The following CSMD1 variants were observed in gnomAD, a reference collection of about 807,000 sequenced individuals.
CSMD1 encodes CUB and Sushi multiple domains 1, also known as CUB and sushi domain-containing protein 1.
In CSMD1, 213 loss-of-function variants were observed where a neutral mutation model predicts 417.5. The observed-to-expected ratio is 0.51, with a 90% CI of 0.46 to 0.57. CSMD1 has a LOEUF of 0.57. CSMD1 is among the 20% of genes least tolerant of loss of function. The pLI is 0.00. For synonymous variants in CSMD1, 2,862 were observed against 1,736.8 expected (o/e 1.65, Z -16.11); for missense variants, 6,923 against 4,529.7 (o/e 1.53, Z -15.17).
chr8:4,248,417 G>A (rs746273831), intron 3 of CSMD1, among the ~76,000 whole-genome samples: 24 of 152,126 alleles, frequency 1.6e-4, no homozygotes, highest in Non-Finnish European at 2.9e-4. Context: ...TATAAAAGAA[G>A]AGAGCCCGTC....
At chr8:3,484,579 C>T (rs1214907223) in intron 11 of CSMD1, among the ~76,000 whole-genome samples, 1 of 152,142 alleles carries the variant, frequency 6.6e-6, no homozygotes, top group African/African-American at 2.4e-5. Context: ...TGGGAAAGCC[C>T]ATAAACTAGA....
At chr8:3,485,536 C>G (rs372867109) in intron 11 of CSMD1, among the ~76,000 whole-genome samples, 2 of 96,474 alleles carry the variant, frequency 2.1e-5, no homozygotes, top group Non-Finnish European at 4.4e-5. Context: ...TACACACACA[C>G]ACAGAGAGAG....
intron 18 of CSMD1, among the ~76,000 whole-genome samples, chr8:3,372,492 C>A (rs1264114126): frequency 6.6e-6 from 1 of 152,232 alleles, no homozygotes; most frequent in Non-Finnish European, 1.5e-5. Context: ...GACCCCGAAC[C>A]AGGGCATTGG....
At chr8:4,770,896 C>A (rs370819239) in intron 1 of CSMD1, among the ~76,000 whole-genome samples, 2 of 152,156 alleles carry the variant, frequency 1.3e-5, no homozygotes. Context: ...TTGGCCTTGA[C>A]GATGATTTCC....
intron 1 of CSMD1, among the ~76,000 whole-genome samples, chr8:4,646,044 A>C (rs914528174): frequency 6.6e-5 from 10 of 152,174 alleles, no homozygotes; most frequent in African/African-American, 2.4e-4. Context: ...TTTGGAAATA[A>C]ACGATTTTTT....
Position 4,131,756 on chromosome 8 carries a change from C to CTTTTT in CSMD1, c.416-99662_416-99658dup, listed in dbSNP as rs10650865. On this transcript the variant is annotated intron_variant, in intron 3 of 69. Transcript: ENST00000635120. ...AGATTAAATTAGTATACAAATGTGA[C>CTTTTT]TTTTTTTTTTTTTTTTTTTTTTTTG... is the stretch of plus-strand genomic sequence containing the variant. Among the ~76,000 whole-genome samples the CTTTTT allele has an allele frequency of 4.6e-3, 405 of 87,422 alleles. 16 individuals carry two copies. The highest frequency in any genetic ancestry group is 0.012 in the East Asian group (32 of 2,664). 57.4% of individuals were successfully genotyped at this position (87,422 alleles called of 152,430 possible). A position where few individuals can be genotyped will look rare whatever the true frequency, so the allele number is the denominator to read the frequency against.
At chr8:4,826,735 C>A (rs1799853750) in intron 1 of CSMD1, among the ~76,000 whole-genome samples, 1 of 152,078 alleles carries the variant, frequency 6.6e-6, no homozygotes, top group Admixed American at 6.6e-5. Context: ...GCCCCATAAC[C>A]CAATGGAGAG....
chr8:3,782,090 T>C (rs1426762964), intron 5 of CSMD1, among the ~76,000 whole-genome samples: 2 of 152,134 alleles, frequency 1.3e-5, no homozygotes, highest in Admixed American at 6.5e-5. Context: ...AAATAAACAA[T>C]AAAATTTGAG....
intron 3 of CSMD1, among the ~76,000 whole-genome samples, chr8:4,069,633 G>T (rs1202002725): frequency 6.6e-6 from 1 of 152,206 alleles, no homozygotes; most frequent in Non-Finnish European, 1.5e-5. Flanking sequence ...TTCCCCTCAA[G>T]CCTCTGCAGC....
At chr8:3,287,632 T>G (rs981853635) in intron 25 of CSMD1, among the ~76,000 whole-genome samples, 1 of 152,192 alleles carries the variant, frequency 6.6e-6, no homozygotes, top group African/African-American at 2.4e-5. Context: ...AGAATGCTTG[T>G]GATTTTTGCA....
At chr8:4,816,384 G>A (rs1799210399) in intron 1 of CSMD1, among the ~76,000 whole-genome samples, 1 of 151,918 alleles carries the variant, frequency 6.6e-6, no homozygotes, top group African/African-American at 2.4e-5. Flanking sequence ...CGGGAGATGG[G>A]GGGCTGGGGG....
At chr8:4,264,564 C>T (rs1401435981) in intron 3 of CSMD1, among the ~76,000 whole-genome samples, 1 of 152,098 alleles carries the variant, frequency 6.6e-6, no homozygotes, top group African/African-American at 2.4e-5. Flanking sequence ...GGTTAGCAAG[C>T]ATTTTATTAT....
chr8:2,976,599 C>T (rs911985487), intron 55 of CSMD1, among the ~76,000 whole-genome samples: 1 of 152,170 alleles, frequency 6.6e-6, no homozygotes, highest in South Asian at 2.1e-4. Context: ...TCCACCTTCC[C>T]TGGCCTCCCA....
At chr8:4,622,702 T>G (rs1026553101) in intron 2 of CSMD1, among the ~76,000 whole-genome samples, 1 of 152,138 alleles carries the variant, frequency 6.6e-6, no homozygotes, top group African/African-American at 2.4e-5. Flanking sequence ...ACAGAATTCA[T>G]TACATCCCAC....
At chr8:3,946,389 C>T (rs1477704845) in intron 5 of CSMD1, among the ~76,000 whole-genome samples, 1 of 152,126 alleles carries the variant, frequency 6.6e-6, no homozygotes, top group Non-Finnish European at 1.5e-5. Context: ...TGGATTTTCT[C>T]GTCTATACCA....
intron 7 of CSMD1, among the ~76,000 whole-genome samples, chr8:3,636,380 G>A (rs1797047725): frequency 2.0e-5 from 3 of 152,134 alleles, no homozygotes. Context: ...GGTTCTCCAT[G>A]TTGGCTAGGC....
chr8:4,483,147 T>G (rs147834265), intron 2 of CSMD1, among the ~76,000 whole-genome samples: 5 of 152,268 alleles, frequency 3.3e-5, no homozygotes, highest in African/African-American at 1.2e-4. Flanking sequence ...TCTCATGAGA[T>G]CCGATGGTTT....
At chr8:4,533,889 G>A (rs200453556) in intron 2 of CSMD1, among the ~76,000 whole-genome samples, 3 of 149,104 alleles carry the variant, frequency 2.0e-5, no homozygotes, top group Non-Finnish European at 4.4e-5. Context: ...ATAAATATAT[G>A]TAATTCAATA....
intron 18 of CSMD1, among the ~76,000 whole-genome samples, chr8:3,374,620 C>T (rs1482546842): frequency 6.6e-6 from 1 of 152,162 alleles, no homozygotes; most frequent in African/African-American, 2.4e-5. Context: ...TGTCCACTCC[C>T]AGGATGGTGA....
Sources: allele counts gnomAD v4.1 joint callset (sites outside exome capture counted in the v4.1 genomes callset), GRCh38; gene constraint gnomAD v4.1.1; transcripts MANE v1.5; gene names NCBI Gene and HGNC (gene_info 2026-07-23, HGNC 2026-07-21).